NSUN6: variants seen among roughly 807,000 people sequenced by gnomAD.
NSUN6 encodes NOP2/Sun RNA methyltransferase 6, also known as tRNA (cytosine(72)-C(5))-methyltransferase NSUN6.
Under a neutral mutation model 58.0 loss-of-function variants are expected in NSUN6, and 64 were observed. That is an observed-to-expected ratio of 1.10 (90% confidence interval 0.90 to 1.36). NSUN6 has a LOEUF of 1.36. NSUN6 is among the 40% of genes most tolerant of loss of function. The pLI is 0.00. For synonymous variants in NSUN6, 231 were observed against 193.9 expected (o/e 1.19, Z -1.59); for missense variants, 701 against 550.1 (o/e 1.27, Z -2.74).
At chr10:18,575,172 T>C (rs1441132526) in intron 8 of NSUN6, among the ~76,000 whole-genome samples, 1 of 152,184 alleles carries the variant, frequency 6.6e-6, no homozygotes, top group Admixed American at 6.6e-5. Flanking sequence ...CCCCAGGCCA[T>C]GTGTGACATA....
chr10:18,651,100 A>C, intron 1 of NSUN6, 29 bp downstream of exon 1: 1 of 1,570,924 alleles, frequency 6.4e-7, no homozygotes, highest in Non-Finnish European at 8.6e-7. Flanking sequence ...TTTTTGCAAA[A>C]TATCAACTAA....
intron 4 of NSUN6, among the ~76,000 whole-genome samples, chr10:18,615,171 T>G (rs1343587053): frequency 1.3e-5 from 2 of 151,400 alleles, no homozygotes; most frequent in Admixed American, 1.3e-4. Flanking sequence ...GTGTATACAC[T>G]TAGAATACCT....
chr10:18,580,453 T>G (rs969444651), intron 8 of NSUN6, among the ~76,000 whole-genome samples: 4 of 152,190 alleles, frequency 2.6e-5, no homozygotes, highest in African/African-American at 9.6e-5. Context: ...GCTTGTTTCA[T>G]GTGCCCCAGT....
Position 18,642,550 on chromosome 10 carries a change from A to C in NSUN6, c.237T>G (p.Phe79Leu). Residue 79 changes from phenylalanine to leucine, a missense_variant, in exon 3 of 11, where the codon TTT becomes TTG. By Grantham distance (22) the Phe-to-Leu change is conservative (BLOSUM62 0). Transcript: ENST00000377304. ...GAAGAATAGGAACACTTAATCCATTAAACTGCTGTTAAAGATAAACATGAT... is the reference window on the plus strand; with the variant it reads ...GAAGAATAGGAACACTTAATCCATTCAACTGCTGTTAAAGATAAACATGAT... ...NLLLDELQKQ[F>L]NGLSVPILQH... The C allele has an allele frequency of 6.9e-7, 1 of 1,454,772 alleles. No individual in the cohort carries two copies. The highest frequency in any genetic ancestry group is 9.6e-7 in the Non-Finnish European group (1 of 1,037,314). 90.1% of individuals were successfully genotyped at this position (1,454,772 alleles called of 1,614,324 possible).
At chr10:18,643,102 C>A (rs1267781540) in intron 2 of NSUN6, among the ~76,000 whole-genome samples, 1 of 151,868 alleles carries the variant, frequency 6.6e-6, no homozygotes, top group African/African-American at 2.4e-5. Context: ...TCAGGAGAGC[C>A]ACTGCATGCA....
At chr10:18,651,784 A>G (rs1044847142), upstream of NSUN6, 1 of 985,434 alleles carries the variant, frequency 1.0e-6, no homozygotes, top group Non-Finnish European at 1.2e-6. Context: ...CCTCAGGTTA[A>G]GTAGGCAGAC....
At chr10:18,657,881 G>C (rs2059794977), upstream of NSUN6, among the ~76,000 whole-genome samples, 1 of 151,838 alleles carries the variant, frequency 6.6e-6, no homozygotes, top group South Asian at 2.1e-4. Context: ...CAAAGTGCTG[G>C]GATTACAAGC....
chr10:18,628,133 A>G lies in NSUN6; in HGVS notation c.312-11840T>C, dbSNP rs10829041. The stretch of plus-strand genomic sequence containing the variant: ...AGCAGCCTAACTGGGAGGCACCCCC[A>G]AGCAGGGGCAGACTGACACCTCACA... On this transcript the variant is annotated intron_variant, in intron 3 of 10. Coordinates refer to ENST00000377304, the MANE Select transcript of NSUN6 (RefSeq NM_182543.5). 1.1e-4 allele frequency among the ~76,000 whole-genome samples: 16 copies of G among 151,926 alleles called. No homozygotes were observed. In the East Asian group the frequency reaches 3.1e-3, roughly 29 times the overall value.
intron 8 of NSUN6, among the ~76,000 whole-genome samples, chr10:18,571,273 C>CTTTCTCCATTCCATTCCCTTCT (rs1158675982): frequency 1.3e-5 from 2 of 150,514 alleles, no homozygotes; most frequent in African/African-American, 4.9e-5. Flanking sequence ...CATTCCCTTC[C>CTTTCTCCATTCCATTCCCTTCT]TTTCTCCATT....
chr10:18,650,230 T>A (rs2059664834), intron 1 of NSUN6, among the ~76,000 whole-genome samples: 1 of 151,880 alleles, frequency 6.6e-6, no homozygotes, highest in African/African-American at 2.4e-5. Flanking sequence ...AACAACCTGG[T>A]AAAATATTTT....
At chr10:18,646,641 G>A (rs535898972) in intron 2 of NSUN6, among the ~76,000 whole-genome samples, 18 of 152,244 alleles carry the variant, frequency 1.2e-4, no homozygotes, top group African/African-American at 3.4e-4. Flanking sequence ...TCAGGAGTTC[G>A]AGACCAGCCT....
chr10:18,565,887 A>ATTCTCCATTCCATTCCG, intron 8 of NSUN6, among the ~76,000 whole-genome samples: 1 of 144,866 alleles, frequency 6.9e-6, no homozygotes, highest in Non-Finnish European at 1.5e-5. Context: ...ATTCCATTCC[A>ATTCTCCATTCCATTCCG]TTCTCCATTC....
At chr10:18,587,231 G>C (rs1005719966) in intron 7 of NSUN6, among the ~76,000 whole-genome samples, 2 of 152,292 alleles carry the variant, frequency 1.3e-5, no homozygotes, top group South Asian at 4.1e-4. Context: ...GGAACAACAT[G>C]AGCTAATGCT....
At chr10:18,643,486 C>G (rs1451507102) in intron 2 of NSUN6, among the ~76,000 whole-genome samples, 1 of 152,120 alleles carries the variant, frequency 6.6e-6, no homozygotes, top group Non-Finnish European at 1.5e-5. Flanking sequence ...CAGAAAACTT[C>G]TGAGATCAAC....
At chr10:18,625,100 G>C (rs1201061063) in intron 3 of NSUN6, among the ~76,000 whole-genome samples, 1 of 152,158 alleles carries the variant, frequency 6.6e-6, no homozygotes, top group African/African-American at 2.4e-5. Flanking sequence ...GGACCTCACT[G>C]AGACAGCCTG....
chr10:18,626,642 C>T (rs1217619747), intron 3 of NSUN6, among the ~76,000 whole-genome samples: 1 of 152,196 alleles, frequency 6.6e-6, no homozygotes, highest in African/African-American at 2.4e-5. Context: ...ATGCCAGACG[C>T]CTGTAATTCC....
intron 8 of NSUN6, among the ~76,000 whole-genome samples, chr10:18,563,134 G>A (rs927523777): frequency 3.3e-5 from 5 of 150,628 alleles, no homozygotes; most frequent in African/African-American, 1.2e-4. Context: ...AATGGAGATT[G>A]AACTGGAATG....
intron 5 of NSUN6, among the ~76,000 whole-genome samples, chr10:18,612,036 C>T (rs1265615727): frequency 3.9e-5 from 6 of 152,130 alleles, no homozygotes; most frequent in Non-Finnish European, 7.3e-5. Context: ...CCAAATCAAA[C>T]CACTGTATCC....
chr10:18,552,234 T>C (rs1034050345), intron 8 of NSUN6, among the ~76,000 whole-genome samples: 1 of 152,182 alleles, frequency 6.6e-6, no homozygotes, highest in African/African-American at 2.4e-5. Context: ...AAAGACCTTC[T>C]ACCCCAAACT....
Sources: gnomAD v4.1 joint callset for allele counts (sites outside exome capture counted in the v4.1 genomes callset) on GRCh38, gnomAD v4.1.1 for gene constraint, MANE v1.5 for transcripts, NCBI Gene and HGNC (gene_info 2026-07-23, HGNC 2026-07-21) for gene names.